CBFA2T3: variants seen among roughly 807,000 people sequenced by gnomAD.
CBFA2T3 encodes CBFA2/RUNX1 partner transcriptional co-repressor 3, also known as transcriptional corepressor CBFA2T3.
A neutral mutation model predicts 58.6 loss-of-function variants in CBFA2T3; 31 were observed. That is an observed-to-expected ratio of 0.53 (90% CI 0.40 to 0.71). CBFA2T3 has a LOEUF of 0.71. Ranked by LOEUF, CBFA2T3 falls within the 30% of genes least tolerant of loss-of-function variation. CBFA2T3 has a pLI of 0.00. For synonymous variants in CBFA2T3, 531 were observed against 421.9 expected, an observed-to-expected ratio of 1.26 and a Z score of -3.17; for missense variants, 1,076 against 963.1, an observed-to-expected ratio of 1.12 and a Z score of -1.55.
At chr16:88,975,215 TGCTCCTCAC>T (rs1441392330) in intron 1 of CBFA2T3, among the ~76,000 whole-genome samples, 1 of 132,954 alleles carries the variant, frequency 7.5e-6, no homozygotes. Flanking sequence ...CCTGACCCTC[TGCTCCTCAC>T]CTGCAGCCAT....
At chr16:88,886,376 C>T (rs185951543) in intron 5 of CBFA2T3, 185 of 393,536 alleles carry the variant, frequency 4.7e-4, no homozygotes, top group African/African-American at 3.2e-3. Context: ...GGCCACACGG[C>T]GATGTGGGGC....
chr16:88,899,056 C>A (rs1444346341), intron 2 of CBFA2T3, among the ~76,000 whole-genome samples: 1 of 149,692 alleles, frequency 6.7e-6, no homozygotes, highest in Non-Finnish European at 1.5e-5. Context: ...CCTTATATGC[C>A]TTCCCCCTCC....
intron 1 of CBFA2T3, among the ~76,000 whole-genome samples, chr16:88,965,249 T>C (rs907298233): frequency 2.0e-5 from 3 of 152,224 alleles, no homozygotes; most frequent in African/African-American, 7.2e-5. Flanking sequence ...GCAGATTGTT[T>C]TTCAGTGAGG....
intron 3 of CBFA2T3, among the ~76,000 whole-genome samples, chr16:88,894,868 T>C (rs546390655): frequency 6.6e-6 from 1 of 152,310 alleles, no homozygotes; most frequent in South Asian, 2.1e-4. Context: ...TTCTACAGGA[T>C]GGAGACGCCC....
rs909938613 is a variant in CBFA2T3, at chr16:88,973,913, G to A, written c.151+2744C>T. On this transcript the variant is annotated intron_variant, in intron 1 of 11. Transcript: ENST00000268679. ...TTGCCCGGTCCCCATAACATCTCCC[G>A]CCTTGCCCGGTCCCCATAACACCCG... Among the ~76,000 whole-genome samples the A allele has an allele frequency of 3.3e-5, 5 of 150,358 alleles. No homozygotes were observed. In the East Asian group the frequency reaches 7.8e-4, roughly 24 times the overall value.
chr16:88,902,843 G>A (rs1424234143), intron 1 of CBFA2T3, among the ~76,000 whole-genome samples: 2 of 151,658 alleles, frequency 1.3e-5, no homozygotes, highest in Admixed American at 6.6e-5. Context: ...TGCTCCTGCT[G>A]ACACCTGTGG....
intron 2 of CBFA2T3, among the ~76,000 whole-genome samples, chr16:88,900,855 C>CT (rs1395624111): frequency 6.6e-6 from 1 of 152,256 alleles, no homozygotes; most frequent in Non-Finnish European, 1.5e-5. Flanking sequence ...GGCCCACCAT[C>CT]GGCGGCTCTG....
Position 88,976,889 on chromosome 16 carries a change from T to C in CBFA2T3, c.-82A>G. The C allele has an allele frequency of 2.7e-6, 4 of 1,469,644 alleles. No individual in the cohort carries two copies. The highest frequency in any genetic ancestry group is 3.7e-6 in the Non-Finnish European group (4 of 1,095,774). 91.0% of individuals were successfully genotyped at this position (1,469,644 alleles called of 1,614,324 possible). On this transcript the variant is annotated 5_prime_UTR_variant, in exon 1 of 12. Transcript: ENST00000268679. ...TGCCTTTCCCGACCTCCTGCAGCCT[T>C]GAGGGAAAGAGGAGGGGCTGGGCCA...
chr16:88,923,813 GACCAGAAT>G (rs1300121383), intron 1 of CBFA2T3, among the ~76,000 whole-genome samples: 1 of 152,222 alleles, frequency 6.6e-6, no homozygotes, highest in African/African-American at 2.4e-5. Context: ...CTCTGGGAAA[GACCAGAAT>G]GCCGAACCCA....
chr16:88,893,957 G>A (rs1490953660), intron 3 of CBFA2T3, among the ~76,000 whole-genome samples: 1 of 152,144 alleles, frequency 6.6e-6, no homozygotes, highest in East Asian at 1.9e-4. Flanking sequence ...CAGGGGAGGG[G>A]GACTGGATGC....
chr16:88,879,157 C>G, intron 11 of CBFA2T3, 113 bp downstream of exon 11: 1 of 901,208 alleles, frequency 1.1e-6, no homozygotes, highest in Non-Finnish European at 1.7e-6. Context: ...TGCAGGATGC[C>G]CGTGACAACT....
chr16:88,915,395 G>A (rs1172066264), intron 1 of CBFA2T3, among the ~76,000 whole-genome samples: 5 of 79,270 alleles, frequency 6.3e-5, no homozygotes, highest in South Asian at 5.0e-4. Flanking sequence ...GCAGCATGGA[G>A]GGGGGAGCGT....
At chr16:88,956,870 C>T (rs889818600) in intron 1 of CBFA2T3, among the ~76,000 whole-genome samples, 2 of 152,236 alleles carry the variant, frequency 1.3e-5, no homozygotes, top group African/African-American at 2.4e-5. Context: ...GCACCAAGCC[C>T]GGCCCCTGGG....
chr16:88,887,692 G>T (rs550174005), intron 5 of CBFA2T3, among the ~76,000 whole-genome samples: 2 of 152,290 alleles, frequency 1.3e-5, no homozygotes, highest in East Asian at 3.9e-4. Context: ...CCTCCTTCAA[G>T]GCAGTGTCCC....
chr16:88,943,218 A>G (rs1462040907), intron 1 of CBFA2T3, among the ~76,000 whole-genome samples: 1 of 152,232 alleles, frequency 6.6e-6, no homozygotes. Context: ...TGTGAGCTAA[A>G]CAATGCCTGC....
chr16:88,928,859 A>C (rs1971176318), intron 1 of CBFA2T3, among the ~76,000 whole-genome samples: 1 of 152,212 alleles, frequency 6.6e-6, no homozygotes, highest in South Asian at 2.1e-4. Flanking sequence ...GGCAGCTGGG[A>C]GCCACGCAGG....
intron 5 of CBFA2T3, among the ~76,000 whole-genome samples, chr16:88,890,403 C>A: frequency 6.6e-6 from 1 of 152,324 alleles, no homozygotes; most frequent in East Asian, 1.9e-4. Flanking sequence ...CGAGGGGAGG[C>A]CTGGCCCAGC....
At chr16:88,894,355 T>C (rs1273808547) in intron 3 of CBFA2T3, among the ~76,000 whole-genome samples, 1 of 81,856 alleles carries the variant, frequency 1.2e-5, no homozygotes, top group South Asian at 4.5e-4. Flanking sequence ...CACACACACA[T>C]GCATACATAT....
intron 1 of CBFA2T3, among the ~76,000 whole-genome samples, chr16:88,943,330 C>G (rs906025504): frequency 6.6e-6 from 1 of 152,250 alleles, no homozygotes; most frequent in African/African-American, 2.4e-5. Flanking sequence ...TCTCGGTTCT[C>G]TGGACCGCAG....
Sources: allele counts gnomAD v4.1 joint callset (sites outside exome capture counted in the v4.1 genomes callset), GRCh38; gene constraint gnomAD v4.1.1; transcripts MANE v1.5; gene names NCBI Gene and HGNC (gene_info 2026-07-23, HGNC 2026-07-21).